The following ICE1 variants were observed in gnomAD, a reference collection of about 807,000 sequenced individuals.
ICE1 encodes interactor of little elongation complex ELL subunit 1.
In ICE1, 64 loss-of-function variants were observed where a neutral mutation model predicts 192.7. The ratio of observed to expected loss-of-function variants is 0.33; its 90% CI spans 0.27 to 0.41. The LOEUF (loss-of-function observed/expected upper bound fraction) is 0.41, where lower values mean the gene tolerates loss of function less well. Among genes scored for constraint, ICE1 ranks in the 10% least tolerant of loss-of-function variants. The probability of loss-of-function intolerance (pLI) is 1.00; values close to 1 mark genes in which losing one functional copy is unlikely to be tolerated. For missense variants in ICE1, 2,708 were observed against 2,696.0 expected, an observed-to-expected ratio of 1.00 and a Z score of -0.10; for synonymous variants, 1,010 against 984.5, an observed-to-expected ratio of 1.03 and a Z score of -0.49.
In ICE1 at chr5:5,490,148, TTTGTC is replaced by T. The variant is rs1739756682; in HGVS notation, c.*821_*825del. 1.3e-5 allele frequency: 2 copies of T among 152,352 alleles called. No individual in the cohort carries two copies. The highest frequency in any genetic ancestry group is 4.1e-4 in the South Asian group (2 of 4,824). The allele number at this position is 152,352 out of a possible 1,614,324, so 9.4% of individuals were successfully genotyped here. On this transcript the variant is annotated 3_prime_UTR_variant, in exon 19 of 19. Coordinates refer to ENST00000296564, the MANE Select transcript of ICE1 (RefSeq NM_015325.3). ...GTTTAATAACTCACCATGGTTTTGA[TTTGTC>T]TTATATTCGTTATTTCTTAAAACTC...
In ICE1 at chr5:5,483,363, G is replaced by A. The variant is rs566901851; in HGVS notation, c.6521-3358G>A. On this transcript the variant is annotated intron_variant, in intron 17 of 18. Transcript: ENST00000296564. ...TTTTACTCCGTGGACAGTAAAACAA[G>A]CTTTAGGTCAGTGAGACTTGCGTTA... Among the ~76,000 whole-genome samples the A allele has an allele frequency of 3.7e-4, 56 of 152,316 alleles. No homozygotes were observed. The South Asian group carries it at 0.011, about 30-fold the overall frequency.
Position 5,463,147 on chromosome 5 carries a change from A to G in ICE1, c.3813A>G (p.Gln1271=), listed in dbSNP as rs369289288. Residue 1271 remains glutamine (Q), a synonymous_variant, in exon 13 of 19, where the codon CAA becomes CAG. Coordinates refer to ENST00000296564, the MANE Select transcript of ICE1 (RefSeq NM_015325.3). ...EVLTKIRQEL[Q]TNSEDCNGKD... ...TGACCAAGATTAGGCAAGAACTTCAAACAAATTCTGAAGATTGCAATGGTA... is the reference window on the plus strand; with the variant it reads ...TGACCAAGATTAGGCAAGAACTTCAGACAAATTCTGAAGATTGCAATGGTA... 7.0e-5 allele frequency: 113 copies of G among 1,612,780 alleles called. 1 individual carries two copies. Among genetic ancestry groups the G allele is most frequent in the South Asian group, 6.7e-4 (61 of 90,736 alleles).
intron 11 of ICE1, 60 bp downstream of exon 11, chr5:5,454,698 G>A (rs954295939): frequency 3.5e-5 from 44 of 1,264,402 alleles, no homozygotes; most frequent in Non-Finnish European, 4.8e-5. Context: ...TTAACCATAG[G>A]CATAGCAGCC....
In ICE1 at chr5:5,486,751, G is replaced by T; in HGVS notation, c.6551G>T (p.Gly2184Val). 1 of 1,602,528 alleles carries T rather than the reference G, an allele frequency of 6.2e-7. No homozygotes were observed. The highest frequency in any genetic ancestry group is 8.5e-7 in the Non-Finnish European group (1 of 1,173,838). The change falls in exon 18 of 19, where the codon GGA (glycine) becomes GTA (valine). Residue 2184 changes from glycine (G) to valine (V), a missense_variant. Gly to Val is a moderately radical substitution (Grantham distance 109). This residue lies in a region of ICE1 where 342 missense variants were observed against 419.3 expected (regional missense o/e 0.82). Coordinates refer to ENST00000296564, the MANE Select transcript of ICE1 (RefSeq NM_015325.3). Reference protein sequence around the residue: ...GRLGQLGLKEGFPSAVKNISS... With the variant: ...GRLGQLGLKEVFPSAVKNISS... ...TTAGGCCAATTGGGTTTGAAAGAAG[G>T]ATTTCCATCTGCTGTGAAAAATATT... is the stretch of plus-strand genomic sequence containing the variant.
intron 1 of ICE1, among the ~76,000 whole-genome samples, chr5:5,432,349 G>A (rs1189315796): frequency 6.6e-6 from 1 of 152,186 alleles, no homozygotes; most frequent in Non-Finnish European, 1.5e-5. Context: ...CCATGTTGTA[G>A]CATGTATCAT....
In ICE1 at chr5:5,461,071, C is replaced by A; in HGVS notation, c.1737C>A (p.Ile579=). 1 of 1,614,028 alleles carries A rather than the reference C, an allele frequency of 6.2e-7. No homozygotes were observed. The highest frequency in any genetic ancestry group is 8.5e-7 in the Non-Finnish European group (1 of 1,179,884). The change falls in exon 13 of 19, where the codon ATC becomes ATA. Residue 579 remains isoleucine (I), a synonymous_variant. Coordinates refer to ENST00000296564, the MANE Select transcript of ICE1 (RefSeq NM_015325.3). ...INEITSEPDR[I]TVSGHFHRLS... is the part of the protein sequence containing the mutation. ...AAATCACTTCTGAACCAGACCGTAT[C>A]ACAGTTTCTGGCCATTTTCACAGAC...
chr5:5,436,312 G>A, intron 1 of ICE1, 106 bp from the exon 2 acceptor site: 1 of 712,222 alleles, frequency 1.4e-6, no homozygotes, highest in East Asian at 3.2e-5. Flanking sequence ...ACATTTCTAT[G>A]TTTATATAAT....
chr5:5,485,721 T>C (rs1342463375), intron 17 of ICE1, among the ~76,000 whole-genome samples: 1 of 152,246 alleles, frequency 6.6e-6, no homozygotes, highest in Non-Finnish European at 1.5e-5. Flanking sequence ...TTGATTGACA[T>C]AGATCTTCGA....
chr5:5,461,955 A>G lies in ICE1; in HGVS notation c.2621A>G (p.Lys874Arg), dbSNP rs911259422. Residue 874 changes from lysine (K) to arginine (R), a missense_variant, in exon 13 of 19, where the codon AAA (lysine) becomes AGA (arginine). Lys to Arg is a conservative substitution (Grantham distance 26). Transcript: ENST00000296564. ...QTRPEKVQSA[K>R]LEHLRPHRVE... ...AGACCTGAAAAGGTTCAGAGTGCCA[A>G]ATTGGAACACTTGAGGCCACATAGG... 1 of 1,613,950 alleles carries G rather than the reference A, an allele frequency of 6.2e-7. No individual in the cohort carries two copies. The highest frequency in any genetic ancestry group is 8.5e-7 in the Non-Finnish European group (1 of 1,179,892).
chr5:5,431,422 G>T (rs904834813), intron 1 of ICE1, among the ~76,000 whole-genome samples: 3 of 152,030 alleles, frequency 2.0e-5, no homozygotes, highest in South Asian at 2.1e-4. Flanking sequence ...CATTCTGAGG[G>T]CTCTCTTCAC....
intron 10 of ICE1, among the ~76,000 whole-genome samples, chr5:5,453,830 C>T (rs1054650288): frequency 6.6e-6 from 1 of 151,976 alleles, no homozygotes; most frequent in African/African-American, 2.4e-5. Context: ...TTACAGCATC[C>T]CTTGGCCTTT....
chr5:5,468,904 T>A lies in ICE1; in HGVS notation c.6138T>A (p.Ile2046=). The A allele has an allele frequency of 6.2e-7, 1 of 1,607,360 alleles. No homozygotes were observed. Among genetic ancestry groups the A allele is most frequent in the Non-Finnish European group, 8.5e-7 (1 of 1,177,192 alleles). Residue 2046 remains isoleucine (I), a synonymous_variant, in exon 15 of 19, where the codon ATT becomes ATA. Transcript: ENST00000296564. The part of the protein sequence containing the change: ...WHDIFLSQSV[I]NKAMQLVARQ... ...ATATATTTCTCTCTCAATCGGTGAT[T>A]AATAAAGCAATGCAGTTAGTTGCCA...
chr5:5,436,197 A>G (rs912351263), intron 1 of ICE1, among the ~76,000 whole-genome samples: 9 of 152,212 alleles, frequency 5.9e-5, no homozygotes, highest in African/African-American at 2.2e-4. Flanking sequence ...CATATTTACA[A>G]CTAACTACCT....
intron 17 of ICE1, among the ~76,000 whole-genome samples, 176 bp from the exon 18 acceptor site, chr5:5,486,545 T>C (rs1339835692): frequency 2.0e-5 from 3 of 152,220 alleles, no homozygotes. Context: ...TAAATTCTAT[T>C]TATTCCATTG....
intron 11 of ICE1, among the ~76,000 whole-genome samples, chr5:5,456,871 A>G (rs1249278035): frequency 2.0e-5 from 3 of 152,328 alleles, no homozygotes; most frequent in South Asian, 4.1e-4. Flanking sequence ...TTTCAGTTAG[A>G]GAGCATTGTA....
At chr5:5,452,419 A>G (rs1008240110) in intron 10 of ICE1, among the ~76,000 whole-genome samples, 7 of 152,044 alleles carry the variant, frequency 4.6e-5, no homozygotes, top group Admixed American at 2.6e-4. Context: ...AATAAGAACA[A>G]CCCATTCTCA....
At position 5,464,403 on chromosome 5, in the gene ICE1, G is replaced by A. The variant is rs749805448; in HGVS notation, c.5069G>A (p.Arg1690His). 3.3e-5 allele frequency: 54 copies of A among 1,613,622 alleles called. No homozygotes were observed. The highest frequency in any genetic ancestry group is 4.5e-5 in the East Asian group (2 of 44,866). Residue 1690 changes from arginine (R) to histidine (H), a missense_variant, in exon 13 of 19, where the codon CGT (arginine) becomes CAT (histidine). Coordinates refer to ENST00000296564, the MANE Select transcript of ICE1 (RefSeq NM_015325.3). This position sits in a 1 kb window ranked among gnomAD's most constrained non-coding sequence, Gnocchi z 4.0. ...AMSPWPEDPR[R>H]ASPPDPSPSP... ...TCTCCATGGCCAGAGGACCCCAGACGTGCCTCTCCTCCAGATCCTTCTCCA... is the reference window on the plus strand; with the variant it reads ...TCTCCATGGCCAGAGGACCCCAGACATGCCTCTCCTCCAGATCCTTCTCCA...
Position 5,462,920 on chromosome 5 carries a change from T to C in ICE1, c.3586T>C (p.Cys1196Arg). ...TAGTTCAGGGGACTCTGTTTCTGAATGTTCTAGTAAAGGAACCCTAAGTAA... is the reference window on the plus strand; with the variant it reads ...TAGTTCAGGGGACTCTGTTTCTGAACGTTCTAGTAAAGGAACCCTAAGTAA... ...DYSSGDSVSE[C>R]SSKGTLSKEM... is the part of the protein sequence containing the mutation. Residue 1196 changes from cysteine to arginine, a missense_variant, in exon 13 of 19, where the codon TGT (cysteine) becomes CGT (arginine). Physicochemically the swap from Cys to Arg is radical, Grantham distance 180 (BLOSUM62 -3). Coordinates refer to ENST00000296564, the MANE Select transcript of ICE1 (RefSeq NM_015325.3). The C allele has an allele frequency of 6.2e-7, 1 of 1,609,612 alleles. No homozygotes were observed.
At chr5:5,459,983 G>A (rs1738716523) in intron 12 of ICE1, among the ~76,000 whole-genome samples, 1 of 152,164 alleles carries the variant, frequency 6.6e-6, no homozygotes, top group Non-Finnish European at 1.5e-5. Flanking sequence ...CCACAAGACA[G>A]CGTCCCTCCC....
Sources: gnomAD v4.1 joint callset for allele counts (sites outside exome capture counted in the v4.1 genomes callset) on GRCh38, gnomAD v4.1.1 for gene constraint, gnomAD v4.1.1 regional missense constraint, Gnocchi (gnomAD v3.1) non-coding constraint, MANE v1.5 for transcripts, NCBI Gene and HGNC (gene_info 2026-07-23, HGNC 2026-07-21) for gene names.